TRAPPC9: variants seen among roughly 807,000 people sequenced by gnomAD.
TRAPPC9 encodes the protein trafficking protein particle complex subunit 9.
A neutral mutation model predicts 124.0 loss-of-function variants in TRAPPC9; 83 were observed. The observed-to-expected ratio is 0.67, with a 90% CI of 0.56 to 0.80. The LOEUF is 0.80. Among genes scored for constraint, TRAPPC9 ranks in the 30% least tolerant of loss-of-function variants. TRAPPC9 has a pLI of 0.00. For missense variants in TRAPPC9, 1,302 were observed against 1,508.3 expected, an observed-to-expected ratio of 0.86 and a Z score of 2.27; for synonymous variants, 638 against 617.5, an observed-to-expected ratio of 1.03 and a Z score of -0.49.
intron 17 of TRAPPC9, among the ~76,000 whole-genome samples, chr8:140,196,123 T>C (rs2062659755): frequency 1.6e-5 from 1 of 61,310 alleles, no homozygotes; most frequent in Non-Finnish European, 3.2e-5. Context: ...ATCACACCTG[T>C]GACACTGAAA....
Position 140,275,792 on chromosome 8 carries a change from C to T in TRAPPC9, c.2144G>A (p.Gly715Asp), listed in dbSNP as rs565655425. The T allele has an allele frequency of 2.5e-6, 4 of 1,613,152 alleles. No homozygotes were observed. The highest frequency in any genetic ancestry group is 1.3e-5 in the African/African-American group (1 of 74,848). Residue 715 changes from glycine (G) to aspartate (D), a missense_variant, in exon 15 of 23, where the codon GGT becomes GAT. By Grantham distance (94) the Gly-to-Asp change is moderately conservative. Transcript: ENST00000438773. ...AGATACATTAGTAGATATTTCATCACCAGAAGAAGGTTGCAATGAATGTGC... is the reference window on the plus strand; with the variant it reads ...AGATACATTAGTAGATATTTCATCATCAGAAGAAGGTTGCAATGAATGTGC... The part of the protein sequence containing the change: ...RSAHSLQPSS[G>D]DEISTNVSVQ...
At chr8:139,834,145 C>T (rs150649821) in intron 21 of TRAPPC9, among the ~76,000 whole-genome samples, 109 of 152,280 alleles carry the variant, frequency 7.2e-4, no homozygotes, top group African/African-American at 2.5e-3. Context: ...GTGTACCCAG[C>T]GCCCACCAGA....
intron 17 of TRAPPC9, among the ~76,000 whole-genome samples, chr8:140,161,103 G>A (rs1321016984): frequency 6.6e-6 from 1 of 152,104 alleles, no homozygotes; most frequent in Non-Finnish European, 1.5e-5. Flanking sequence ...GAGTTTGCTG[G>A]GACTCAGTGT....
chr8:140,342,671 GA>G (rs1285629062), intron 9 of TRAPPC9, among the ~76,000 whole-genome samples: 2 of 152,060 alleles, frequency 1.3e-5, no homozygotes, highest in Non-Finnish European at 2.9e-5. Flanking sequence ...AGTGAAAAAT[GA>G]AATATAGCAA....
chr8:139,932,462 G>C (rs899680242), intron 19 of TRAPPC9: 1 of 457,592 alleles, frequency 2.2e-6, no homozygotes, highest in Non-Finnish European at 4.4e-6. Context: ...TGACTCCTGG[G>C]GTAGAAATGT....
chr8:140,065,762 T>C (rs1053172172), intron 17 of TRAPPC9, among the ~76,000 whole-genome samples: 3 of 152,258 alleles, frequency 2.0e-5, no homozygotes, highest in Admixed American at 2.0e-4. Flanking sequence ...TTATTGACAA[T>C]GCACCACGTC....
At chr8:140,222,999 T>C (rs2063371670) in intron 16 of TRAPPC9, among the ~76,000 whole-genome samples, 1 of 152,246 alleles carries the variant, frequency 6.6e-6, no homozygotes, top group Non-Finnish European at 1.5e-5. Context: ...TTTCTAAACT[T>C]GCCCTCGTTT....
Position 140,371,178 on chromosome 8 carries a change from A to G in TRAPPC9, c.1137T>C (p.Leu379=), listed in dbSNP as rs923511169. The G allele has an allele frequency of 2.4e-5, 38 of 1,610,488 alleles. No individual in the cohort carries two copies. Among genetic ancestry groups the G allele is most frequent in the Non-Finnish European group, 3.1e-5 (36 of 1,178,338 alleles). The change falls in exon 8 of 23, where the codon CTT becomes CTC. Residue 379 remains leucine, a splice_region_variant and synonymous_variant. Coordinates refer to ENST00000438773, the MANE Select transcript of TRAPPC9 (RefSeq NM_001160372.4). ...QNAVYINLRQ[L]SEEEKIQRYS... is the part of the protein sequence containing the mutation. ...AGCGCTGAATTTTCTCTTCCTCAGA[A>G]AGCTGAAGCACAGAGAGAAAGTAAA...
chr8:140,370,820 G>A, intron 8 of TRAPPC9, 144 bp downstream of exon 8: 1 of 855,404 alleles, frequency 1.2e-6, no homozygotes, highest in East Asian at 2.6e-5. Context: ...ATTACAGCAG[G>A]CACCCAACTC....
At chr8:140,023,894 G>A in intron 18 of TRAPPC9, 43 bp downstream of exon 18, 1 of 1,613,560 alleles carries the variant, frequency 6.2e-7, no homozygotes, top group Non-Finnish European at 8.5e-7. Context: ...TAGTGCTGTT[G>A]AGACTCTAGA....
intron 17 of TRAPPC9, among the ~76,000 whole-genome samples, chr8:140,041,296 G>A (rs1841261214): frequency 6.6e-6 from 1 of 152,164 alleles, no homozygotes; most frequent in Non-Finnish European, 1.5e-5. Flanking sequence ...ATAGTAAAGT[G>A]TCCAAATGAT....
chr8:139,801,648 CAGCCAGGA>C (rs1397435256), intron 21 of TRAPPC9, among the ~76,000 whole-genome samples: 1 of 152,192 alleles, frequency 6.6e-6, no homozygotes, highest in Non-Finnish European at 1.5e-5. Context: ...ATTCCTGTTC[CAGCCAGGA>C]GGCACTGTGG....
At chr8:139,942,597 A>G (rs1253989163) in intron 19 of TRAPPC9, among the ~76,000 whole-genome samples, 2 of 152,248 alleles carry the variant, frequency 1.3e-5, no homozygotes, top group Non-Finnish European at 2.9e-5. Context: ...ACATCTGAGC[A>G]AGCTCCAAAG....
rs373266909 is a variant in TRAPPC9, at chr8:139,939,358, C to G, written c.2811-29058G>C. ...GAGGCGTGGCGGGCAGGTGCCAGCACCTGAGAGGGGGCCGGGAAGCGGGGC... is the reference window on the plus strand; with the variant it reads ...GAGGCGTGGCGGGCAGGTGCCAGCAGCTGAGAGGGGGCCGGGAAGCGGGGC... On this transcript the variant is annotated intron_variant, in intron 19 of 22. Transcript: ENST00000438773. Among the ~76,000 whole-genome samples, 185 of 152,300 alleles carry G rather than the reference C, an allele frequency of 1.2e-3. 3 individuals carry two copies. Among genetic ancestry groups the G allele is most frequent in the African/African-American group, 4.1e-3 (169 of 41,582 alleles).
intron 9 of TRAPPC9, among the ~76,000 whole-genome samples, chr8:140,333,953 T>G (rs2066965135): frequency 6.6e-6 from 1 of 152,216 alleles, no homozygotes; most frequent in South Asian, 2.1e-4. Context: ...TCTTACTACA[T>G]GCCAAGCACT....
intron 4 of TRAPPC9, among the ~76,000 whole-genome samples, chr8:140,433,998 T>C (rs1188690048): frequency 6.6e-6 from 1 of 152,222 alleles, no homozygotes; most frequent in Non-Finnish European, 1.5e-5. Context: ...CTACTTTTCA[T>C]TTGCATAGAA....
At chr8:140,352,991 TG>T (rs1356181795) in intron 9 of TRAPPC9, among the ~76,000 whole-genome samples, 1 of 152,138 alleles carries the variant, frequency 6.6e-6, no homozygotes, top group African/African-American at 2.4e-5. Flanking sequence ...GCACTTCAGG[TG>T]TGTCATCTCC....
At chr8:140,337,718 G>A (rs2067081033) in intron 9 of TRAPPC9, among the ~76,000 whole-genome samples, 1 of 152,220 alleles carries the variant, frequency 6.6e-6, no homozygotes, top group African/African-American at 2.4e-5. Context: ...CACGTGATCA[G>A]CGGTGCTGTG....
intron 20 of TRAPPC9, among the ~76,000 whole-genome samples, chr8:139,890,425 G>A (rs1029068651): frequency 3.9e-5 from 6 of 152,198 alleles, no homozygotes; most frequent in Admixed American, 6.5e-5. Context: ...CACCATGTCC[G>A]CCTGCCCAGG....
Sources: gnomAD v4.1 joint callset for allele counts (sites outside exome capture counted in the v4.1 genomes callset) on GRCh38, gnomAD v4.1.1 for gene constraint, MANE v1.5 for transcripts, NCBI Gene and HGNC (gene_info 2026-07-23, HGNC 2026-07-21) for gene names.